SLC2A14: variants seen among roughly 807,000 people sequenced by gnomAD.
The protein encoded by SLC2A14 is solute carrier family 2, facilitated glucose transporter member 14.
Under a neutral mutation model 43.0 loss-of-function variants are expected in SLC2A14, and 13 were observed. The ratio of observed to expected loss-of-function variants is 0.30; its 90% CI spans 0.20 to 0.48. SLC2A14 has a LOEUF of 0.48. Ranked by LOEUF, SLC2A14 falls within the 20% of genes least tolerant of loss-of-function variation. SLC2A14 has a pLI of 0.99. For synonymous variants in SLC2A14, 190 were observed against 233.8 expected (o/e 0.81, Z 1.71); for missense variants, 428 against 620.4 (o/e 0.69, Z 3.29).
chr12:7,864,900 G>A (rs1054585442), intron 2 of SLC2A14, among the ~76,000 whole-genome samples: 10 of 151,988 alleles, frequency 6.6e-5, no homozygotes, highest in Non-Finnish European at 8.8e-5. Context: ...CCTCATGGCC[G>A]GCTCTTTATG....
chr12:7,861,078 C>T (rs1343724838), intron 2 of SLC2A14, among the ~76,000 whole-genome samples: 1 of 152,122 alleles, frequency 6.6e-6, no homozygotes. Context: ...AGGCGTGAGC[C>T]ACCTCGCCCG....
chr12:7,884,975 C>T (rs1218625749), intron 1 of SLC2A14, among the ~76,000 whole-genome samples: 1 of 151,510 alleles, frequency 6.6e-6, no homozygotes, highest in East Asian at 1.9e-4. Flanking sequence ...TTTCAGGAAC[C>T]AAAAAACGAT....
intron 10 of SLC2A14, among the ~76,000 whole-genome samples, chr12:7,817,401 C>T (rs1201646684): frequency 6.6e-6 from 1 of 152,056 alleles, no homozygotes; most frequent in Non-Finnish European, 1.5e-5. Context: ...AGGAGTGAGC[C>T]ACCTCGCCCA....
At position 7,836,613 on chromosome 12, in the gene SLC2A14, C is replaced by G. The variant is rs1344527391; in HGVS notation, c.19-3799G>C. On this transcript the variant is annotated intron_variant, in intron 2 of 10. Transcript: ENST00000431042. ...GGGAGGCTGAGGAGGGCGGATGGAT[C>G]ACTTCAGTTCAGGAATTCAATACCA... Among the ~76,000 whole-genome samples the G allele has an allele frequency of 3.3e-5, 5 of 151,906 alleles. No individual in the cohort carries two copies. The South Asian group carries it at 1.0e-3, about 32-fold the overall frequency.
intron 7 of SLC2A14, among the ~76,000 whole-genome samples, chr12:7,826,511 A>G (rs1056631778): frequency 6.6e-6 from 1 of 152,186 alleles, no homozygotes; most frequent in African/African-American, 2.4e-5. Flanking sequence ...TTTGTTACAA[A>G]ATGATTTAAT....
chr12:7,814,535 C>T lies in SLC2A14; in HGVS notation c.1276-1G>A, dbSNP rs1433310583. The T allele has an allele frequency of 6.2e-7, 1 of 1,611,038 alleles. No individual in the cohort carries two copies. The highest frequency in any genetic ancestry group is 8.5e-7 in the Non-Finnish European group (1 of 1,179,026). Reference sequence around the variant, plus strand: ...TAAAAACGTAGGCTCCTAAATAGTACTAGTGAAAGGACAGAAAAAAGGAAG... The same window carrying T: ...TAAAAACGTAGGCTCCTAAATAGTATTAGTGAAAGGACAGAAAAAAGGAAG... On this transcript the variant is annotated splice_acceptor_variant, in intron 10 of 10. Transcript: ENST00000431042. LOFTEE classifies it high-confidence loss of function.
At chr12:7,844,470 C>T (rs969397348) in intron 2 of SLC2A14, among the ~76,000 whole-genome samples, 1 of 151,696 alleles carries the variant, frequency 6.6e-6, no homozygotes, top group African/African-American at 2.4e-5. Context: ...TCTTTTCTCT[C>T]GATTGTATAC....
At chr12:7,821,768 G>A (rs7303040) in intron 7 of SLC2A14, among the ~76,000 whole-genome samples, 17,125 of 150,920 alleles carry the variant, frequency 0.11, 2,571 homozygotes, top group African/African-American at 0.34. Context: ...AGGCTGGAGT[G>A]CAGTGGCACG....
chr12:7,834,520 T>TTC (rs1481190829), intron 2 of SLC2A14, among the ~76,000 whole-genome samples: 2 of 132,654 alleles, frequency 1.5e-5, no homozygotes, highest in Non-Finnish European at 3.1e-5. Context: ...GTGAGACCCC[T>TTC]TCTCTCTCTC....
At chr12:7,844,172 A>C (rs949224059) in intron 2 of SLC2A14, among the ~76,000 whole-genome samples, 1 of 152,150 alleles carries the variant, frequency 6.6e-6, no homozygotes, top group East Asian at 1.9e-4. Context: ...CCTTCTCCAG[A>C]AGAAATTGCT....
At chr12:7,826,947 T>C in intron 7 of SLC2A14, among the ~76,000 whole-genome samples, 1 of 144,954 alleles carries the variant, frequency 6.9e-6, no homozygotes, top group Admixed American at 7.2e-5. Context: ...TTTCCTTTCT[T>C]TCCTTTCTTC....
chr12:7,830,631 G>A (rs972304298), intron 4 of SLC2A14, among the ~76,000 whole-genome samples: 1 of 151,114 alleles, frequency 6.6e-6, no homozygotes, highest in African/African-American at 2.4e-5. Context: ...GCAAGACCCT[G>A]CTTCTTGGGC....
chr12:7,890,304 A>G (rs1945752822), intron 1 of SLC2A14, among the ~76,000 whole-genome samples: 2 of 152,014 alleles, frequency 1.3e-5, no homozygotes, highest in Non-Finnish European at 2.9e-5. Context: ...CTGCTAAACA[A>G]CAGTATTGGA....
chr12:7,857,475 C>CGGT (rs1168983442), intron 2 of SLC2A14, among the ~76,000 whole-genome samples: 6 of 152,040 alleles, frequency 3.9e-5, no homozygotes, highest in Non-Finnish European at 8.8e-5. Context: ...GTAATCCCAG[C>CGGT]TACCTGGGAG....
chr12:7,826,853 C>CCTTCCTTT (rs139542085), intron 7 of SLC2A14, among the ~76,000 whole-genome samples: 571 of 34,412 alleles, frequency 0.017, 56 homozygotes, highest in African/African-American at 0.038. Context: ...TTCCTTCCTT[C>CCTTCCTTT]CTTTCTTTTT....
At chr12:7,887,552 A>G (rs1431811084) in intron 1 of SLC2A14, among the ~76,000 whole-genome samples, 1 of 148,682 alleles carries the variant, frequency 6.7e-6, no homozygotes, top group Non-Finnish European at 1.5e-5. Context: ...TAGTAGGTAG[A>G]TAAATCAGAT....
intron 2 of SLC2A14, among the ~76,000 whole-genome samples, chr12:7,864,194 T>C (rs528085671): frequency 1.3e-5 from 2 of 152,150 alleles, no homozygotes; most frequent in Non-Finnish European, 2.9e-5. Flanking sequence ...CTTTGGGATA[T>C]GTGGTTTGCA....
chr12:7,841,600 T>C (rs997921887), intron 2 of SLC2A14, among the ~76,000 whole-genome samples: 1 of 152,226 alleles, frequency 6.6e-6, no homozygotes, highest in Non-Finnish European at 1.5e-5. Context: ...AATATTGATA[T>C]ATTATTATTA....
intron 2 of SLC2A14, among the ~76,000 whole-genome samples, chr12:7,859,392 C>T (rs1245910700): frequency 6.7e-6 from 1 of 148,620 alleles, no homozygotes; most frequent in Non-Finnish European, 1.5e-5. Context: ...TCCGCTGTCT[C>T]AAAAAATAAA....
Sources: allele counts gnomAD v4.1 joint callset (sites outside exome capture counted in the v4.1 genomes callset), GRCh38; gene constraint gnomAD v4.1.1; transcripts MANE v1.5; gene names NCBI Gene and HGNC (gene_info 2026-07-23, HGNC 2026-07-21).